Variants in DENND1B observed in about 807,000 individuals in gnomAD.
DENND1B encodes DENN domain containing 1B, also known as DENN domain-containing protein 1B.
DENND1B carries 59 observed loss-of-function variants against 90.1 expected under a neutral mutation model. The ratio of observed to expected loss-of-function variants is 0.65; its 90% confidence interval spans 0.53 to 0.81. The LOEUF (loss-of-function observed/expected upper bound fraction) is 0.81. DENND1B is among the 40% of genes least tolerant of loss of function. The pLI, the probability that DENND1B is intolerant of heterozygous loss-of-function variation, is 0.00. For missense variants in DENND1B, 862 were observed against 912.6 expected (o/e 0.94, Z 0.71); for synonymous variants, 337 against 324.6 (o/e 1.04, Z -0.41).
chr1:197,657,760 C>CA (rs1653996837), intron 6 of DENND1B, among the ~76,000 whole-genome samples: 1 of 151,952 alleles, frequency 6.6e-6, no homozygotes, highest in South Asian at 2.1e-4. Context: ...GGTATATACC[C>CA]AAAAGGATTG....
At chr1:197,732,661 C>A (rs1474896549) in intron 2 of DENND1B, among the ~76,000 whole-genome samples, 1 of 152,132 alleles carries the variant, frequency 6.6e-6, no homozygotes, top group Non-Finnish European at 1.5e-5. Context: ...TACATCCAAG[C>A]AAGAAGCCCA....
At chr1:197,548,810 A>G (rs1196436860) in intron 16 of DENND1B, among the ~76,000 whole-genome samples, 2 of 152,160 alleles carry the variant, frequency 1.3e-5, no homozygotes, top group Non-Finnish European at 1.5e-5. Context: ...AAGAAGGTTA[A>G]TAGAGAGAAT....
At chr1:197,625,140 T>A (rs1678552734) in intron 10 of DENND1B, among the ~76,000 whole-genome samples, 1 of 151,944 alleles carries the variant, frequency 6.6e-6, no homozygotes, top group South Asian at 2.1e-4. Flanking sequence ...CAGGCCAACA[T>A]TCAGATTCAG....
chr1:197,723,214 TTTTAAACAAGACCTATTATAA>T (rs1362168428), intron 2 of DENND1B, among the ~76,000 whole-genome samples: 1 of 152,202 alleles, frequency 6.6e-6, no homozygotes, highest in Non-Finnish European at 1.5e-5. Context: ...CATCCATTCC[TTTTAAACAAGACCTATTATAA>T]TAAAATGAAA....
At chr1:197,700,045 T>G (rs1210690972) in intron 3 of DENND1B, among the ~76,000 whole-genome samples, 1 of 152,170 alleles carries the variant, frequency 6.6e-6, no homozygotes, top group African/African-American at 2.4e-5. Flanking sequence ...CCAAAGTAAT[T>G]TATAGATTCA....
intron 20 of DENND1B, among the ~76,000 whole-genome samples, chr1:197,529,469 TGTG>T (rs905206924): frequency 3.3e-5 from 5 of 151,448 alleles, no homozygotes; most frequent in Admixed American, 6.6e-5. Context: ...TAGGTTTTGT[TGTG>T]GTGATTTTGC....
chr1:197,740,274 G>A (rs1001749060), intron 2 of DENND1B, among the ~76,000 whole-genome samples: 20 of 152,180 alleles, frequency 1.3e-4, no homozygotes, highest in Non-Finnish European at 2.2e-4. Flanking sequence ...CAAGAAGCCA[G>A]TGTGGCTGCA....
chr1:197,734,296 T>G (rs891877962), intron 2 of DENND1B: 2 of 941,952 alleles, frequency 2.1e-6, no homozygotes, highest in Non-Finnish European at 2.5e-6. Flanking sequence ...TTAAACACAT[T>G]AGATAAATTT....
chr1:197,535,308 A>G (rs974281311), intron 20 of DENND1B, among the ~76,000 whole-genome samples: 2 of 152,148 alleles, frequency 1.3e-5, no homozygotes, highest in African/African-American at 4.8e-5. Flanking sequence ...GGCAAATAGC[A>G]TTATGGCAGT....
chr1:197,688,803 A>G (rs1281320675), intron 3 of DENND1B: 1 of 173,660 alleles, frequency 5.8e-6, no homozygotes, highest in Admixed American at 5.7e-5. Context: ...ATCACTGGAC[A>G]TGTAGATTCA....
intron 2 of DENND1B, chr1:197,734,149 TAA>T (rs1214440207): frequency 1.1e-6 from 1 of 919,848 alleles, no homozygotes; most frequent in East Asian, 1.2e-4. Flanking sequence ...TATTCCTGAA[TAA>T]GTTTTAAAAT....
At chr1:197,642,595 G>T (rs989528946) in intron 10 of DENND1B, 116 bp downstream of exon 10, 2 of 627,112 alleles carry the variant, frequency 3.2e-6, no homozygotes, top group African/African-American at 1.9e-5. Context: ...CATCAAAAAC[G>T]TATGTAGATA....
At position 197,652,289 on chromosome 1, in the gene DENND1B, T is replaced by C. The variant is rs188237792; in HGVS notation, c.393A>G (p.Arg131=). ...TTGGTACTGGGTGGTTATACAGTGA[T>C]CTGAGAGTTTCATTCAAATCATTTT... ...ELENDLNETL[R]SLYNHPVPKA... Residue 131 remains arginine (R), a synonymous_variant, in exon 7 of 23, where the codon AGA becomes AGG. Coordinates refer to ENST00000620048, the MANE Select transcript of DENND1B (RefSeq NM_001195215.2). The C allele has an allele frequency of 1.4e-5, 23 of 1,611,480 alleles. No individual in the cohort carries two copies. The Admixed American group carries it at 2.7e-4, about 19-fold the overall frequency.
At chr1:197,761,470 A>G (rs1655048229) in intron 2 of DENND1B, among the ~76,000 whole-genome samples, 1 of 152,202 alleles carries the variant, frequency 6.6e-6, no homozygotes, top group Non-Finnish European at 1.5e-5. Flanking sequence ...CCCGTGTATT[A>G]AAACACATTT....
At chr1:197,630,189 T>C (rs1468711084) in intron 10 of DENND1B, among the ~76,000 whole-genome samples, 1 of 152,098 alleles carries the variant, frequency 6.6e-6, no homozygotes, top group Non-Finnish European at 1.5e-5. Context: ...CTTTATTCTC[T>C]TAGGATGGTA....
intron 2 of DENND1B, among the ~76,000 whole-genome samples, chr1:197,742,494 C>T (rs1663308081): frequency 6.6e-6 from 1 of 152,156 alleles, no homozygotes; most frequent in Non-Finnish European, 1.5e-5. Flanking sequence ...GGAGACTTCA[C>T]TTTTGGTCAT....
At chr1:197,745,084 T>C (rs1164926384) in intron 2 of DENND1B, among the ~76,000 whole-genome samples, 1 of 152,228 alleles carries the variant, frequency 6.6e-6, no homozygotes, top group African/African-American at 2.4e-5. Context: ...AAAGCAATGT[T>C]GTGGATGGTT....
intron 2 of DENND1B, among the ~76,000 whole-genome samples, chr1:197,766,576 G>A (rs191022107): frequency 3.3e-4 from 50 of 152,244 alleles, no homozygotes; most frequent in Admixed American, 7.9e-4. Flanking sequence ...TATGAAGAGA[G>A]GAAAGGAGAC....
At chr1:197,621,666 C>T (rs1678176434) in intron 10 of DENND1B, among the ~76,000 whole-genome samples, 1 of 151,354 alleles carries the variant, frequency 6.6e-6, no homozygotes, top group African/African-American at 2.4e-5. Context: ...CAAGACTCCA[C>T]ATTGCTTTTC....
Sources: gnomAD v4.1 joint callset for allele counts (sites outside exome capture counted in the v4.1 genomes callset) on GRCh38, gnomAD v4.1.1 for gene constraint, MANE v1.5 for transcripts, NCBI Gene and HGNC (gene_info 2026-07-23, HGNC 2026-07-21) for gene names.